Variants in SCAF8 observed in about 807,000 individuals in gnomAD.
SCAF8 encodes the protein SR-related CTD associated factor 8, also known as SR-related and CTD-associated factor 8.
SCAF8 carries 23 observed loss-of-function variants against 140.5 expected under a neutral mutation model. That is an observed-to-expected ratio of 0.16 (90% confidence interval 0.12 to 0.23). The LOEUF is 0.23. SCAF8 is among the 10% of genes least tolerant of loss of function. The pLI is 1.00. For synonymous variants in SCAF8, 575 were observed against 528.9 expected (o/e 1.09, Z -1.20); for missense variants, 1,397 against 1,555.7 (o/e 0.90, Z 1.72).
chr6:154,751,055 T>C (rs1778825117), intron 1 of SCAF8, among the ~76,000 whole-genome samples: 1 of 152,162 alleles, frequency 6.6e-6, no homozygotes, highest in East Asian at 1.9e-4. Flanking sequence ...CAGTGTATTT[T>C]TGTGTTTTGT....
chr6:154,733,579 C>T lies in SCAF8; in HGVS notation c.-322C>T. 7.8e-7 allele frequency: 1 copy of T among 1,280,450 alleles called. No homozygotes were observed. Among genetic ancestry groups the T allele is most frequent in the Non-Finnish European group, 9.8e-7 (1 of 1,016,170 alleles). 79.3% of individuals were successfully genotyped at this position (1,280,450 alleles called of 1,614,324 possible). On this transcript the variant is annotated 5_prime_UTR_variant, in exon 1 of 20. Transcript: ENST00000367178. Reference sequence around the variant, plus strand: ...GGGGAAGGGGCTAGAGGGAGGGGGACCGAAACGGAGCGGGGCAGAGAAGAG... The same window carrying T: ...GGGGAAGGGGCTAGAGGGAGGGGGATCGAAACGGAGCGGGGCAGAGAAGAG...
chr6:154,759,856 A>C (rs1331943460), intron 1 of SCAF8, among the ~76,000 whole-genome samples: 1 of 151,888 alleles, frequency 6.6e-6, no homozygotes, highest in Non-Finnish European at 1.5e-5. Context: ...TTTAGTAGAG[A>C]TGGGGTTTCA....
At chr6:154,822,236 C>A (rs913012399) in intron 15 of SCAF8, 40 bp from the exon 16 acceptor site, 1 of 1,571,026 alleles carries the variant, frequency 6.4e-7, no homozygotes. Flanking sequence ...TGAAAAGTTG[C>A]ACCTATCCAA....
At chr6:154,808,990 A>T (rs914317250) in intron 11 of SCAF8, among the ~76,000 whole-genome samples, 192 bp downstream of exon 11, 2 of 152,194 alleles carry the variant, frequency 1.3e-5, no homozygotes, top group Non-Finnish European at 2.9e-5. Flanking sequence ...TATTTATTTC[A>T]GTAATTTACA....
At chr6:154,781,861 G>A (rs1369014076) in intron 3 of SCAF8, among the ~76,000 whole-genome samples, 2 of 152,126 alleles carry the variant, frequency 1.3e-5, no homozygotes, top group African/African-American at 4.8e-5. Context: ...CCAAGATGGC[G>A]GTACCATTTT....
At position 154,773,879 on chromosome 6, in the gene SCAF8, G is replaced by C. The variant is rs189688583; in HGVS notation, c.31-110G>C. 2.7e-4 allele frequency: 200 copies of C among 739,328 alleles called. No homozygotes were observed. The African/African-American group carries it at 3.2e-3, about 12-fold the overall frequency. The allele number at this position is 739,328 out of a possible 1,614,324, so 45.8% of individuals were successfully genotyped here. The stretch of plus-strand genomic sequence containing the variant: ...GTGATGTTGAGCTTGATTTGTAAAA[G>C]AAAAGCAGTATGTTGGTTTCATTGA... On this transcript the variant is annotated intron_variant, in intron 1 of 19. Coordinates refer to ENST00000367178, the MANE Select transcript of SCAF8 (RefSeq NM_014892.5).
intron 2 of SCAF8, among the ~76,000 whole-genome samples, chr6:154,775,297 A>G (rs1776885263): frequency 6.6e-6 from 1 of 152,200 alleles, no homozygotes. Context: ...TGTTTCAAAG[A>G]CATGATTATT....
chr6:154,785,713 T>C (rs907364839), intron 3 of SCAF8, among the ~76,000 whole-genome samples: 3 of 152,172 alleles, frequency 2.0e-5, no homozygotes, highest in Non-Finnish European at 4.4e-5. Context: ...TTGCAAAATA[T>C]ATGGTCCAAC....
At chr6:154,747,936 G>A (rs1008393670) in intron 1 of SCAF8, among the ~76,000 whole-genome samples, 5 of 147,172 alleles carry the variant, frequency 3.4e-5, no homozygotes, top group African/African-American at 1.3e-4. Context: ...GTGTGTGTGT[G>A]TACTAGAAAT....
chr6:154,769,301 G>A (rs750296699), intron 1 of SCAF8, among the ~76,000 whole-genome samples: 24 of 151,990 alleles, frequency 1.6e-4, no homozygotes, highest in Non-Finnish European at 2.4e-4. Context: ...TTTTTGCTCC[G>A]TCCCATCTTC....
At chr6:154,791,639 TG>T (rs1314517440) in intron 4 of SCAF8, among the ~76,000 whole-genome samples, 2 of 115,894 alleles carry the variant, frequency 1.7e-5, no homozygotes, top group Non-Finnish European at 3.6e-5. Context: ...AAAGTTTTTT[TG>T]TTTTTTTAAA....
In SCAF8 at chr6:154,815,779, A is replaced by G. The variant is rs909358557; in HGVS notation, c.1484A>G (p.Asn495Ser). Residue 495 changes from asparagine to serine, a missense_variant, in exon 13 of 20, where the codon AAC becomes AGC. By Grantham distance (46) the Asn-to-Ser change is conservative. This residue lies in a region of SCAF8 where 59 missense variants were observed against 110.7 expected (regional missense o/e 0.53). Coordinates refer to ENST00000367178, the MANE Select transcript of SCAF8 (RefSeq NM_014892.5). ...AAGGCAACACAGCAAGACTTAACCAACCTGTTTGAAGAGTTTGGACAGATT... is the reference window on the plus strand; with the variant it reads ...AAGGCAACACAGCAAGACTTAACCAGCCTGTTTGAAGAGTTTGGACAGATT... Reference protein sequence around the residue: ...DKKATQQDLTNLFEEFGQIES... With the variant: ...DKKATQQDLTSLFEEFGQIES... 2 of 1,612,820 alleles carry G rather than the reference A, an allele frequency of 1.2e-6. No individual in the cohort carries two copies. The highest frequency in any genetic ancestry group is 1.1e-5 in the South Asian group (1 of 91,044).
intron 1 of SCAF8, among the ~76,000 whole-genome samples, chr6:154,766,123 A>G (rs552530593): frequency 2.2e-3 from 333 of 152,276 alleles, no homozygotes; most frequent in African/African-American, 7.6e-3. Context: ...TATACTTACT[A>G]TTCATTAAGT....
chr6:154,820,047 G>C (rs1476305957), intron 14 of SCAF8, 130 bp from the exon 15 acceptor site: 1 of 641,610 alleles, frequency 1.6e-6, no homozygotes, highest in Non-Finnish European at 2.4e-6. Context: ...TTTCAGCTTT[G>C]CTTTTCCAGC....
rs141936392 is a variant in SCAF8, at chr6:154,766,867, A to G, written c.31-7122A>G. Among the ~76,000 whole-genome samples, 102 of 151,800 alleles carry G rather than the reference A, an allele frequency of 6.7e-4. 2 individuals carry two copies. Among genetic ancestry groups the G allele is most frequent in the African/African-American group, 2.4e-3 (98 of 41,374 alleles). On this transcript the variant is annotated intron_variant, in intron 1 of 19. Transcript: ENST00000367178. ...GGTATAATACTTCCAGACTTATATGATGTTCTATTGGGGTTCTCTTCCACA... is the reference window on the plus strand; with the variant it reads ...GGTATAATACTTCCAGACTTATATGGTGTTCTATTGGGGTTCTCTTCCACA...
chr6:154,783,213 TGTCTGTATGAAA>T (rs1426756157), intron 3 of SCAF8, among the ~76,000 whole-genome samples: 1 of 152,234 alleles, frequency 6.6e-6, no homozygotes, highest in Non-Finnish European at 1.5e-5. Context: ...CAACTCTTTT[TGTCTGTATGAAA>T]TCCCTTGCCT....
chr6:154,751,604 A>T (rs1273909547), intron 1 of SCAF8, among the ~76,000 whole-genome samples: 1 of 152,168 alleles, frequency 6.6e-6, no homozygotes, highest in Non-Finnish European at 1.5e-5. Context: ...TTCAGAAATG[A>T]TTAAACTTGT....
intron 15 of SCAF8, among the ~76,000 whole-genome samples, chr6:154,821,683 G>A (rs1307490667): frequency 6.6e-6 from 1 of 152,158 alleles, no homozygotes; most frequent in East Asian, 1.9e-4. Context: ...CAAGTGCCAT[G>A]TTTGTATTCA....
intron 14 of SCAF8, 22 bp downstream of exon 14, chr6:154,818,614 C>T: frequency 7.8e-7 from 1 of 1,290,114 alleles, no homozygotes; most frequent in Non-Finnish European, 1.1e-6. Flanking sequence ...TGGATTGGAA[C>T]TTGGGGTAGG....
Sources: gnomAD v4.1 joint callset for allele counts (sites outside exome capture counted in the v4.1 genomes callset) on GRCh38, gnomAD v4.1.1 for gene constraint, gnomAD v4.1.1 regional missense constraint, MANE v1.5 for transcripts, NCBI Gene and HGNC (gene_info 2026-07-23, HGNC 2026-07-21) for gene names.